The following POLR3K variants were observed in gnomAD, a reference collection of about 807,000 sequenced individuals.
POLR3K encodes RNA polymerase III subunit K.
A neutral mutation model predicts 13.5 loss-of-function variants in POLR3K; 11 were observed. The observed-to-expected ratio is 0.81, with a 90% CI of 0.51 to 1.35. POLR3K has a LOEUF of 1.35. Ranked by LOEUF, POLR3K falls within the 40% of genes most tolerant of loss-of-function variation. The pLI is 0.00. For synonymous variants in POLR3K, 56 were observed against 51.5 expected (o/e 1.09, Z -0.38); for missense variants, 144 against 145.3 (o/e 0.99, Z 0.05).
In POLR3K at chr16:49,623, C is replaced by G. The variant is rs192845741; in HGVS notation, c.199+1935G>C. ...TAGCTAGGACTACAGGCACGCGCCA[C>G]TGAGCCTGGCTAATTTGTTTTTTTT... On this transcript the variant is annotated intron_variant, in intron 2 of 2. Coordinates refer to ENST00000293860, the MANE Select transcript of POLR3K (RefSeq NM_016310.5). Among the ~76,000 whole-genome samples the G allele has an allele frequency of 3.9e-3, 582 of 151,016 alleles. 6 individuals are homozygous for G. Among genetic ancestry groups the G allele is most frequent in the African/African-American group, 0.013 (551 of 41,140 alleles).
intron 2 of POLR3K, among the ~76,000 whole-genome samples, chr16:50,716 T>C (rs965084541): frequency 2.0e-5 from 3 of 151,846 alleles, no homozygotes; most frequent in Non-Finnish European, 4.4e-5. Flanking sequence ...AGAGACAGGG[T>C]TTCACCATGC....
intron 1 of POLR3K, among the ~76,000 whole-genome samples, chr16:52,351 G>T (rs1026216364): frequency 6.6e-6 from 1 of 150,760 alleles, no homozygotes; most frequent in African/African-American, 2.4e-5. Context: ...GGAAGCCGAG[G>T]CAGAAGAATT....
chr16:51,479 C>A lies in POLR3K; in HGVS notation c.199+79G>T. On this transcript the variant is annotated intron_variant, in intron 2 of 2. Transcript: ENST00000293860. ...GAAACCTACATCATTTATATGACAT[C>A]ATAGACTCTGCCAAGCAGTGGCATC... is the stretch of plus-strand genomic sequence containing the variant. 5 of 1,113,090 alleles carry A rather than the reference C, an allele frequency of 4.5e-6. No homozygotes were observed. The Admixed American group carries it at 7.5e-5, about 17-fold the overall frequency. 69.0% of individuals were successfully genotyped at this position (1,113,090 alleles called of 1,614,324 possible).
At chr16:47,849 C>CAA (rs750499325) in intron 2 of POLR3K, among the ~76,000 whole-genome samples, 45 of 34,980 alleles carry the variant, frequency 1.3e-3, no homozygotes, top group Non-Finnish European at 1.8e-3. Flanking sequence ...CCACTGCACT[C>CAA]AAAAAAAAAA....
At chr16:47,601 C>T (rs369591034) in intron 2 of POLR3K, 44 bp from the exon 3 acceptor site, 79 of 1,597,514 alleles carry the variant, frequency 4.9e-5, no homozygotes, top group Non-Finnish European at 6.0e-5. Flanking sequence ...AAAAAAGATG[C>T]TACTCATGGC....
At chr16:51,860 A>C (rs1897334167) in intron 1 of POLR3K, 3 of 419,142 alleles carry the variant, frequency 7.2e-6, no homozygotes, top group Non-Finnish European at 8.7e-6. Flanking sequence ...CTCTACTAAA[A>C]ATACAAAAAA....
chr16:49,013 G>T (rs979243499), intron 2 of POLR3K, among the ~76,000 whole-genome samples: 23 of 151,838 alleles, frequency 1.5e-4, no homozygotes, highest in Non-Finnish European at 1.5e-4. Context: ...TTAGCCGGGC[G>T]TGGTGGCAGG....
At position 53,569 on chromosome 16, in the gene POLR3K, G is replaced by A. The variant is rs757640996; in HGVS notation, c.18C>T (p.Pro6=). The part of the protein sequence containing the change: MLLFC[P]GCGNGLIVEE... The stretch of plus-strand genomic sequence containing the variant: ...CCACGATCAGCCCGTTCCCGCAGCC[G>A]GGGCAGAACAGCAGCATGGTCTCGA... Residue 6 remains proline, a synonymous_variant, in exon 1 of 3, where the codon CCC becomes CCT. Coordinates refer to ENST00000293860, the MANE Select transcript of POLR3K (RefSeq NM_016310.5). 6 of 1,612,894 alleles carry A rather than the reference G, an allele frequency of 3.7e-6. No homozygotes were observed. Among genetic ancestry groups the A allele is most frequent in the South Asian group, 3.3e-5 (3 of 91,026 alleles).
At position 51,683 on chromosome 16, in the gene POLR3K, T is replaced by C. The variant is rs371214934; in HGVS notation, c.112-38A>G. ...ACACTTCAGACTCCAAGTAACTGAA[T>C]AGCGCAAACCTGGGCTGCCAAACCT... is the stretch of plus-strand genomic sequence containing the variant. On this transcript the variant is annotated intron_variant, in intron 1 of 2. Transcript: ENST00000293860. The C allele has an allele frequency of 3.9e-6, 6 of 1,555,384 alleles. No homozygotes were observed. In the African/African-American group the frequency reaches 5.4e-5, roughly 14 times the overall value.
chr16:52,565 C>T (rs903434028), intron 1 of POLR3K, among the ~76,000 whole-genome samples: 92 of 150,250 alleles, frequency 6.1e-4, no homozygotes, highest in African/African-American at 2.2e-3. Context: ...GTCAGGAGAC[C>T]GTCCTGGCTA....
chr16:50,008 G>C (rs1897318111), intron 2 of POLR3K, among the ~76,000 whole-genome samples: 1 of 151,452 alleles, frequency 6.6e-6, no homozygotes, highest in Non-Finnish European at 1.5e-5. Flanking sequence ...GCCCAGGCTG[G>C]AGTGCAATGA....
intron 1 of POLR3K, chr16:53,195 A>C (rs1897358483): frequency 2.1e-6 from 1 of 475,964 alleles, no homozygotes; most frequent in Non-Finnish European, 3.5e-6. Flanking sequence ...TGCGCACAGC[A>C]CGGACCTGCG....
At chr16:50,041 C>A (rs1050018870) in intron 2 of POLR3K, among the ~76,000 whole-genome samples, 3 of 151,988 alleles carry the variant, frequency 2.0e-5, no homozygotes, top group African/African-American at 7.3e-5. Context: ...TCACTGCAAC[C>A]TCCACTTCCC....
chr16:50,126 T>G (rs769505612), intron 2 of POLR3K, among the ~76,000 whole-genome samples: 5 of 151,986 alleles, frequency 3.3e-5, no homozygotes, highest in Non-Finnish European at 5.9e-5. Flanking sequence ...CCTGGCTAAT[T>G]TTTTGTATTT....
At position 47,442 on chromosome 16, in the gene POLR3K, G is replaced by A. The variant is rs1223135616; in HGVS notation, c.315C>T (p.Arg105=). The change falls in exon 3 of 3, where the codon CGC becomes CGT. Residue 105 remains arginine, a synonymous_variant. Transcript: ENST00000293860. ...YKCCNAQCGH[R]WRD is the part of the protein sequence containing the mutation. ...GGCCATCCTGGCCCTAATCCCTCCA[G>A]CGGTGTCCACACTGAGCATTGCAGC... 1 of 1,613,062 alleles carries A rather than the reference G, an allele frequency of 6.2e-7. No individual in the cohort carries two copies. Among genetic ancestry groups the A allele is most frequent in the Admixed American group, 1.7e-5 (1 of 59,944 alleles).
Position 51,628 on chromosome 16 carries a change from G to T in POLR3K, c.129C>A (p.Tyr43Ter), listed in dbSNP as rs1307317537. Residue 43 changes from tyrosine (Y) to a stop codon, truncating the protein, a stop_gained, in exon 2 of 3, where the codon TAC becomes TAA. Transcript: ENST00000293860. LOFTEE classifies it high-confidence loss of function. ...CATCATCCACTTCTTTCAGTTTTGG[G>T]TACTTCCGATTTGTTACCTAACAAA... ...NITRKVTNRKYPKLKEVDDVL... is the reference protein window; with the variant it reads ...NITRKVTNRK The T allele has an allele frequency of 6.2e-7, 1 of 1,613,824 alleles. No homozygotes were observed. The highest frequency in any genetic ancestry group is 8.5e-7 in the Non-Finnish European group (1 of 1,179,926).
intron 2 of POLR3K, among the ~76,000 whole-genome samples, chr16:49,797 G>A (rs889108458): frequency 6.7e-6 from 1 of 149,810 alleles, no homozygotes; most frequent in Non-Finnish European, 1.5e-5. Context: ...GCACCACCAC[G>A]CTCAGCTACT....
chr16:48,654 AC>A (rs1385682133), intron 2 of POLR3K, among the ~76,000 whole-genome samples: 1 of 151,616 alleles, frequency 6.6e-6, no homozygotes, highest in African/African-American at 2.4e-5. Context: ...TACTAAAAAC[AC>A]AAAAAATTAG....
chr16:47,825 G>T (rs1251553910), intron 2 of POLR3K, among the ~76,000 whole-genome samples: 12 of 112,414 alleles, frequency 1.1e-4, no homozygotes, highest in Admixed American at 8.7e-4. Context: ...AGATTGCAGT[G>T]AGCCAAGATC....
Sources: gnomAD v4.1 joint callset for allele counts (sites outside exome capture counted in the v4.1 genomes callset) on GRCh38, gnomAD v4.1.1 for gene constraint, MANE v1.5 for transcripts, NCBI Gene and HGNC (gene_info 2026-07-23, HGNC 2026-07-21) for gene names.